PDE7A: variants seen among roughly 807,000 people sequenced by gnomAD.
The protein encoded by PDE7A is high affinity 3',5'-cyclic-AMP phosphodiesterase 7A.
Under a neutral mutation model 64.3 loss-of-function variants are expected in PDE7A, and 39 were observed. The observed-to-expected ratio is 0.61, with a 90% CI of 0.47 to 0.79. The LOEUF is 0.79. PDE7A is among the 30% of genes least tolerant of loss of function. The pLI is 0.00. For synonymous variants in PDE7A, 203 were observed against 206.8 expected (o/e 0.98, Z 0.16); for missense variants, 470 against 582.8 (o/e 0.81, Z 1.99).
chr8:65,755,956 G>C (rs1346864028), intron 3 of PDE7A, among the ~76,000 whole-genome samples: 2 of 152,158 alleles, frequency 1.3e-5, no homozygotes, highest in South Asian at 4.1e-4. Context: ...TACTGGTAAT[G>C]AACTCCCTCA....
At chr8:65,794,412 C>A (rs1045140893) in intron 1 of PDE7A, among the ~76,000 whole-genome samples, 2 of 149,960 alleles carry the variant, frequency 1.3e-5, no homozygotes, top group Non-Finnish European at 3.0e-5. Context: ...TTAATGAGAC[C>A]GATTTGTAGG....
chr8:65,724,627 T>G lies in PDE7A; in HGVS notation c.1065+150A>C, dbSNP rs1381141776. On this transcript the variant is annotated intron_variant, in intron 10 of 12. Transcript: ENST00000401827. ...GTAGCAGATTCACCAGTGATCTCCT[T>G]TTGGAAGGAGTGTGCGCTAATTGAA... 4.5e-6 allele frequency: 3 copies of G among 673,234 alleles called. No homozygotes were observed. In the African/African-American group the frequency reaches 5.5e-5, roughly 12 times the overall value. 41.7% of individuals were successfully genotyped at this position (673,234 alleles called of 1,614,324 possible).
At chr8:65,804,372 T>A (rs1463664331) in intron 1 of PDE7A, among the ~76,000 whole-genome samples, 2 of 151,966 alleles carry the variant, frequency 1.3e-5, no homozygotes, top group African/African-American at 4.8e-5. Flanking sequence ...ATTCCCTCCA[T>A]CCCAAGAAAG....
intron 1 of PDE7A, among the ~76,000 whole-genome samples, chr8:65,818,573 G>A (rs974431010): frequency 6.6e-6 from 1 of 152,150 alleles, no homozygotes; most frequent in Non-Finnish European, 1.5e-5. Context: ...CATCTTTGTT[G>A]ATGGGCATGT....
chr8:65,793,834 A>G (rs1809765352), intron 1 of PDE7A, among the ~76,000 whole-genome samples: 1 of 152,230 alleles, frequency 6.6e-6, no homozygotes. Flanking sequence ...CAGAAGTAGG[A>G]CCAGGAGCAC....
At chr8:65,727,356 G>A (rs1407068121) in intron 7 of PDE7A, 55 bp from the exon 8 acceptor site, 6 of 1,600,346 alleles carry the variant, frequency 3.7e-6, no homozygotes, top group South Asian at 3.4e-5. Context: ...TAAGCTCTAC[G>A]CCATCACAGT....
chr8:65,813,892 TTTGAG>T (rs1427918808), intron 1 of PDE7A, among the ~76,000 whole-genome samples: 2 of 152,232 alleles, frequency 1.3e-5, no homozygotes. Flanking sequence ...TGTCAATAGC[TTTGAG>T]TTCTTTAATA....
intron 1 of PDE7A, among the ~76,000 whole-genome samples, chr8:65,823,973 T>C (rs1236781527): frequency 4.0e-5 from 6 of 151,818 alleles, no homozygotes; most frequent in Admixed American, 6.6e-5. Context: ...AAAATTGATA[T>C]AAAAATACTA....
intron 6 of PDE7A, among the ~76,000 whole-genome samples, chr8:65,739,290 A>C (rs1807295991): frequency 6.6e-6 from 1 of 152,212 alleles, no homozygotes; most frequent in Non-Finnish European, 1.5e-5. Context: ...TGCTGTCTGC[A>C]GGTGCACAAA....
At chr8:65,772,695 G>A (rs1441313722) in intron 3 of PDE7A, among the ~76,000 whole-genome samples, 1 of 152,186 alleles carries the variant, frequency 6.6e-6, no homozygotes, top group East Asian at 1.9e-4. Flanking sequence ...ACTTTACTGT[G>A]CATAAACTCA....
chr8:65,727,603 C>A, intron 7 of PDE7A: 1 of 232,308 alleles, frequency 4.3e-6, no homozygotes. Context: ...ATAAACCGTT[C>A]TTTTTGAGAA....
At chr8:65,740,356 C>T (rs73240766) in intron 5 of PDE7A, among the ~76,000 whole-genome samples, 70 of 152,254 alleles carry the variant, frequency 4.6e-4, no homozygotes, top group African/African-American at 1.6e-3. Context: ...CCCCCTCATT[C>T]TCCACAGCCT....
chr8:65,723,964 C>T (rs768844154), intron 11 of PDE7A, among the ~76,000 whole-genome samples: 52 of 152,214 alleles, frequency 3.4e-4, no homozygotes, highest in Non-Finnish European at 6.2e-4. Context: ...CCTCCACACA[C>T]GACAAGGATA....
chr8:65,823,550 C>G (rs1810593821), intron 1 of PDE7A, among the ~76,000 whole-genome samples: 1 of 152,038 alleles, frequency 6.6e-6, no homozygotes, highest in African/African-American at 2.4e-5. Flanking sequence ...TTATGTGTGG[C>G]AATTTCTTTA....
chr8:65,732,440 C>A lies in PDE7A; in HGVS notation c.696+2354G>T, dbSNP rs901093238. Among the ~76,000 whole-genome samples the A allele has an allele frequency of 3.9e-5, 6 of 152,226 alleles. No homozygotes were observed. In the East Asian group the frequency reaches 1.2e-3, roughly 29 times the overall value. ...TTCCTTGCACCAGGATAGAGCCTGGCATGTGGCAGATGCTCAAAGAGTATA... is the reference window on the plus strand; with the variant it reads ...TTCCTTGCACCAGGATAGAGCCTGGAATGTGGCAGATGCTCAAAGAGTATA... On this transcript the variant is annotated intron_variant, in intron 7 of 12. Coordinates refer to ENST00000401827, the MANE Select transcript of PDE7A (RefSeq NM_001242318.3).
At chr8:65,798,687 C>T (rs891156878) in intron 1 of PDE7A, among the ~76,000 whole-genome samples, 17 of 152,130 alleles carry the variant, frequency 1.1e-4, no homozygotes, top group African/African-American at 4.1e-4. Context: ...CTATTAACCA[C>T]AAGAATGGCT....
rs186326143 is a variant in PDE7A, at chr8:65,827,863, T to C, written c.138+13508A>G. ...ACGAAATCGCCTAATGATGCATTTA[T>C]CAGTATGTATCCTCATTGTTAAGCG... On this transcript the variant is annotated intron_variant, in intron 1 of 12. Coordinates refer to ENST00000401827, the MANE Select transcript of PDE7A (RefSeq NM_001242318.3). 1.1e-4 allele frequency among the ~76,000 whole-genome samples: 16 copies of C among 152,292 alleles called. No homozygotes were observed. In the East Asian group the frequency reaches 3.1e-3, roughly 29 times the overall value.
At position 65,718,045 on chromosome 8, in the gene PDE7A, G is replaced by A. The variant is rs1475269934; in HGVS notation, c.*1245C>T. ...CGTCAAAGGGTAACGTTTCATCAAA[G>A]GGAGGGACAAGAAAACAATGCACTT... On this transcript the variant is annotated 3_prime_UTR_variant, in exon 13 of 13. Coordinates refer to ENST00000401827, the MANE Select transcript of PDE7A (RefSeq NM_001242318.3). 1.3e-5 allele frequency: 2 copies of A among 152,188 alleles called. No homozygotes were observed. Among genetic ancestry groups the A allele is most frequent in the Non-Finnish European group, 2.9e-5 (2 of 68,024 alleles). The allele number at this position is 152,188 out of a possible 1,614,324, so 9.4% of individuals were successfully genotyped here. A position where few individuals can be genotyped will look rare whatever the true frequency, so the allele number is the denominator to read the frequency against.
At chr8:65,814,074 T>C (rs910842429) in intron 1 of PDE7A, among the ~76,000 whole-genome samples, 2 of 152,092 alleles carry the variant, frequency 1.3e-5, no homozygotes, top group African/African-American at 4.8e-5. Context: ...ATTTTTTTTT[T>C]CTGAAGACCT....
Sources: allele counts gnomAD v4.1 joint callset (sites outside exome capture counted in the v4.1 genomes callset), GRCh38; gene constraint gnomAD v4.1.1; transcripts MANE v1.5; gene names NCBI Gene and HGNC (gene_info 2026-07-23, HGNC 2026-07-21).